Variants in LEO1 observed in about 807,000 individuals in gnomAD.
LEO1 encodes RNA polymerase-associated protein LEO1.
In LEO1, 34 loss-of-function variants were observed where a neutral mutation model predicts 80.4. That is an observed-to-expected ratio of 0.42 (90% CI 0.32 to 0.56). The LOEUF (loss-of-function observed/expected upper bound fraction) is 0.56. Among genes scored for constraint, LEO1 ranks in the 20% least tolerant of loss-of-function variants. LEO1 has a pLI of 0.10. For synonymous variants in LEO1, 262 were observed against 274.9 expected (o/e 0.95, Z 0.46); for missense variants, 631 against 814.2 (o/e 0.77, Z 2.74).
chr15:51,952,132 G>A (rs1285996357), intron 8 of LEO1, 153 bp from the exon 9 acceptor site: 5 of 528,626 alleles, frequency 9.5e-6, no homozygotes, highest in Non-Finnish European at 1.6e-5. Context: ...CAAGGTGGAA[G>A]ATTGTGAGTT....
intron 11 of LEO1, among the ~76,000 whole-genome samples, chr15:51,940,540 G>A (rs535415986): frequency 4.6e-5 from 7 of 150,560 alleles, no homozygotes; most frequent in South Asian, 2.1e-4. Flanking sequence ...CAGCCTGGGC[G>A]ACAGAGCGAG....
At chr15:51,964,712 C>T (rs2057061214) in intron 2 of LEO1, among the ~76,000 whole-genome samples, 1 of 152,034 alleles carries the variant, frequency 6.6e-6, no homozygotes, top group Admixed American at 6.6e-5. Flanking sequence ...GTGTTAGATG[C>T]CCTCATATTT....
At chr15:51,970,721 T>C (rs897582526) in intron 1 of LEO1, among the ~76,000 whole-genome samples, 19 of 152,154 alleles carry the variant, frequency 1.2e-4, no homozygotes, top group Admixed American at 8.5e-4. Context: ...GTGTTTTATT[T>C]GGGGGTGATG....
intron 11 of LEO1, among the ~76,000 whole-genome samples, chr15:51,939,082 G>C (rs1222146771): frequency 6.6e-6 from 1 of 152,222 alleles, no homozygotes; most frequent in East Asian, 1.9e-4. Flanking sequence ...CTACTCGAGA[G>C]ACTGAGGCAG....
At chr15:51,970,452 T>C (rs1408501289) in intron 1 of LEO1, among the ~76,000 whole-genome samples, 1 of 152,216 alleles carries the variant, frequency 6.6e-6, no homozygotes, top group African/African-American at 2.4e-5. Context: ...AACAACCCAA[T>C]GTCCATCAAC....
chr15:51,948,275 C>T (rs1402873412), intron 10 of LEO1, among the ~76,000 whole-genome samples: 1 of 152,228 alleles, frequency 6.6e-6, no homozygotes, highest in Non-Finnish European at 1.5e-5. Flanking sequence ...GAACTGAGCA[C>T]TACTAGACTC....
intron 11 of LEO1, among the ~76,000 whole-genome samples, chr15:51,939,061 T>A (rs139799429): frequency 6.6e-6 from 1 of 152,286 alleles, no homozygotes; most frequent in East Asian, 1.9e-4. Context: ...GGCGCACGCC[T>A]GTAATCCCAG....
chr15:51,959,927 G>A lies in LEO1; in HGVS notation c.1132C>T (p.Leu378=). The A allele has an allele frequency of 6.2e-7, 1 of 1,611,176 alleles. No individual in the cohort carries two copies. Among genetic ancestry groups the A allele is most frequent in the South Asian group, 1.1e-5 (1 of 90,492 alleles). The stretch of plus-strand genomic sequence containing the variant: ...GGCTCTACACTGAGAAAGTTGGGCA[G>A]TTTAACAAAATATAAGTCGTTTCCT... ...DLGNDLYFVK[L]PNFLSVEPRP... is the part of the protein sequence containing the mutation. The change falls in exon 5 of 12, where the codon CTG becomes TTG. Residue 378 remains leucine (L), a synonymous_variant. Transcript: ENST00000299601.
At chr15:51,948,489 G>T (rs963192315) in intron 10 of LEO1, among the ~76,000 whole-genome samples, 1 of 152,184 alleles carries the variant, frequency 6.6e-6, no homozygotes, top group Non-Finnish European at 1.5e-5. Context: ...TAGGTAATAT[G>T]TAACAGGTCA....
chr15:51,954,706 A>T, intron 6 of LEO1, 131 bp from the exon 7 acceptor site: 1 of 650,440 alleles, frequency 1.5e-6, no homozygotes, highest in Non-Finnish European at 2.7e-6. Flanking sequence ...CAGGAGAATG[A>T]ACAACACTGA....
In LEO1 at chr15:51,960,636, T is replaced by G. The variant is rs2057022715; in HGVS notation, c.1014+3A>C. 1 of 1,557,284 alleles carries G rather than the reference T, an allele frequency of 6.4e-7. No homozygotes were observed. The highest frequency in any genetic ancestry group is 8.9e-7 in the Non-Finnish European group (1 of 1,128,208). On this transcript the variant is annotated splice_donor_region_variant and intron_variant, in intron 4 of 11. Transcript: ENST00000299601. ...AATAAGTTCATGTTACTAACTGACT[T>G]ACAACAGGCTGTCCTGGAGTAGGTG...
At chr15:51,956,989 G>C (rs555518407) in intron 6 of LEO1, among the ~76,000 whole-genome samples, 1 of 151,944 alleles carries the variant, frequency 6.6e-6, no homozygotes, top group Non-Finnish European at 1.5e-5. Context: ...ATCTCTGCTG[G>C]CTAATTTTTT....
rs1358422564 is a variant in LEO1, at chr15:51,968,069, A to G, written c.59-1565T>C. 1.3e-5 allele frequency among the ~76,000 whole-genome samples: 2 copies of G among 151,916 alleles called. 1 individual carries two copies. The highest frequency in any genetic ancestry group is 4.1e-4 in the South Asian group (2 of 4,822). ...CATGGTGGCTTACGCCTGTGAGCCC[A>G]CTACTTGGGAGGCTGAGGCAGGACA... is the stretch of plus-strand genomic sequence containing the variant. On this transcript the variant is annotated intron_variant, in intron 1 of 11. Coordinates refer to ENST00000299601, the MANE Select transcript of LEO1 (RefSeq NM_138792.4).
At chr15:51,942,719 C>G (rs1365148157) in intron 11 of LEO1, among the ~76,000 whole-genome samples, 1 of 150,036 alleles carries the variant, frequency 6.7e-6, no homozygotes, top group Non-Finnish European at 1.5e-5. Flanking sequence ...GTCAGGAGTT[C>G]CAGACCAACC....
chr15:51,953,996 C>T (rs534978763), intron 7 of LEO1, among the ~76,000 whole-genome samples: 15 of 151,100 alleles, frequency 9.9e-5, no homozygotes, highest in Admixed American at 4.6e-4. Context: ...TGCAGTGGCG[C>T]GATCTCGGCT....
intron 5 of LEO1, 97 bp downstream of exon 5, chr15:51,959,802 G>A (rs370942920): frequency 2.7e-5 from 32 of 1,180,184 alleles, no homozygotes; most frequent in South Asian, 1.7e-4. Flanking sequence ...TCAATTTTCC[G>A]TTTTTGTGAT....
At chr15:51,953,801 A>T (rs1204880598) in intron 7 of LEO1, among the ~76,000 whole-genome samples, 2 of 152,036 alleles carry the variant, frequency 1.3e-5, no homozygotes, top group African/African-American at 2.4e-5. Context: ...CAATTTTTTT[A>T]AAATGTCAAT....
At chr15:51,946,998 A>T in intron 11 of LEO1, 1 of 338,236 alleles carries the variant, frequency 3.0e-6, no homozygotes, top group East Asian at 8.2e-5. Flanking sequence ...AGGCCTTTCC[A>T]TCTATCCGGA....
At chr15:51,938,296 A>T in intron 11 of LEO1, 36 bp from the exon 12 acceptor site, 1 of 1,239,356 alleles carries the variant, frequency 8.1e-7, no homozygotes, top group South Asian at 1.3e-5. Flanking sequence ...CTACAAGTCA[A>T]TAAAGAACAT....
Sources: gnomAD v4.1 joint callset for allele counts (sites outside exome capture counted in the v4.1 genomes callset) on GRCh38, gnomAD v4.1.1 for gene constraint, MANE v1.5 for transcripts, NCBI Gene and HGNC (gene_info 2026-07-23, HGNC 2026-07-21) for gene names.